CEP104: variants seen among roughly 807,000 people sequenced by gnomAD.
The protein encoded by CEP104 is centrosomal protein of 104 kDa.
Under a neutral mutation model 113.3 loss-of-function variants are expected in CEP104, and 84 were observed. The observed-to-expected ratio is 0.74, with a 90% CI of 0.62 to 0.89. The LOEUF (loss-of-function observed/expected upper bound fraction) is 0.89, where lower values mean the gene tolerates loss of function less well. Ranked by LOEUF, CEP104 falls within the 40% of genes least tolerant of loss-of-function variation. CEP104 has a pLI of 0.00. For synonymous variants in CEP104, 378 were observed against 421.7 expected (o/e 0.90, Z 1.27); for missense variants, 1,053 against 1,156.6 (o/e 0.91, Z 1.30).
chr1:3,832,289 T>TGTAGGTC (rs1162557072), intron 12 of CEP104, among the ~76,000 whole-genome samples: 4 of 114,998 alleles, frequency 3.5e-5, no homozygotes, highest in Non-Finnish European at 5.5e-5. Context: ...AGGAGTGTAT[T>TGTAGGTC]GTAACCAGGA....
chr1:3,824,056 C>T (rs1421856651), intron 18 of CEP104, among the ~76,000 whole-genome samples: 2 of 152,178 alleles, frequency 1.3e-5, no homozygotes, highest in Admixed American at 6.5e-5. Context: ...GCCAGTTCAA[C>T]CTCTTTTCTT....
intron 4 of CEP104, among the ~76,000 whole-genome samples, chr1:3,846,086 CAAAAAAAAAAA>C (rs5772127): frequency 9.5e-5 from 9 of 95,118 alleles, no homozygotes; most frequent in East Asian, 4.8e-4. Flanking sequence ...AACTCCGTCT[CAAAAAAAAAAA>C]AAAAAAAAAA....
intron 1 of CEP104, among the ~76,000 whole-genome samples, chr1:3,854,506 T>G (rs1469431530): frequency 6.6e-6 from 1 of 152,162 alleles, no homozygotes; most frequent in Non-Finnish European, 1.5e-5. Context: ...TCTCAATCTA[T>G]CACCCAGGCT....
At chr1:3,815,870 C>CACCAT (rs1047426596) in intron 21 of CEP104, among the ~76,000 whole-genome samples, 22 of 152,206 alleles carry the variant, frequency 1.4e-4, no homozygotes, top group Admixed American at 3.3e-4. Context: ...TATAGGGTTT[C>CACCAT]ACCATGTTGG....
chr1:3,834,977 A>AGT lies in CEP104; in HGVS notation c.1431_1432dup (p.Leu478HisfsTer2). On this transcript the variant is annotated frameshift_variant, in exon 11 of 22. Coordinates refer to ENST00000378230, the MANE Select transcript of CEP104 (RefSeq NM_014704.4). LOFTEE classifies it high-confidence loss of function. ...TCTAACGAGAAAGACGGATGCTCTC[A>AGT]GTGTGTTCTTTAAATCTTCTTTTGG... The AGT allele has an allele frequency of 6.2e-7, 1 of 1,612,058 alleles. No individual in the cohort carries two copies. Among genetic ancestry groups the AGT allele is most frequent in the Non-Finnish European group, 8.5e-7 (1 of 1,178,960 alleles).
chr1:3,833,738 T>A, intron 12 of CEP104, 124 bp downstream of exon 12: 1 of 879,688 alleles, frequency 1.1e-6, no homozygotes, highest in Non-Finnish European at 1.7e-6. Context: ...AGTGTGATGG[T>A]GAATCCCTGA....
At chr1:3,828,035 A>G (rs1644126541) in intron 15 of CEP104, among the ~76,000 whole-genome samples, 1 of 152,180 alleles carries the variant, frequency 6.6e-6, no homozygotes, top group African/African-American at 2.4e-5. Context: ...CGGGACAGAC[A>G]GTGCTGTGTG....
chr1:3,824,368 G>A (rs562874177), intron 18 of CEP104, among the ~76,000 whole-genome samples: 1 of 152,220 alleles, frequency 6.6e-6, no homozygotes, highest in Admixed American at 6.5e-5. Flanking sequence ...TTACAGGCGT[G>A]AGCCACCTGC....
At chr1:3,836,812 C>T (rs1644324218) in intron 9 of CEP104, 120 bp from the exon 10 acceptor site, 1 of 765,768 alleles carries the variant, frequency 1.3e-6, no homozygotes, top group South Asian at 1.7e-5. Flanking sequence ...TGTTATTTTG[C>T]TAAATATCAG....
At chr1:3,816,526 C>T (rs957394221) in intron 20 of CEP104, 156 bp from the exon 21 acceptor site, 3 of 601,644 alleles carry the variant, frequency 5.0e-6, no homozygotes, top group Non-Finnish European at 8.8e-6. Context: ...CACCTCCCTT[C>T]GGATATGTTA....
chr1:3,852,034 G>A (rs1268329727), intron 2 of CEP104, among the ~76,000 whole-genome samples: 2 of 152,130 alleles, frequency 1.3e-5, no homozygotes, highest in Non-Finnish European at 1.5e-5. Context: ...ACAGTTACGG[G>A]GCCTCATTTC....
chr1:3,846,699 A>G (rs1362288961), intron 4 of CEP104, among the ~76,000 whole-genome samples: 2 of 152,212 alleles, frequency 1.3e-5, no homozygotes, highest in South Asian at 4.1e-4. Context: ...GCAAGGGGCC[A>G]GGCAGCTTAA....
At chr1:3,834,362 T>G (rs1254088426) in intron 11 of CEP104, among the ~76,000 whole-genome samples, 1 of 150,160 alleles carries the variant, frequency 6.7e-6, no homozygotes, top group African/African-American at 2.4e-5. Flanking sequence ...AGCCCAAATC[T>G]TCCCTTCATA....
rs6663840 is a variant in CEP104 at position 3,826,755 on chromosome 1, G to A, written c.2152-11C>T. The A allele has an allele frequency of 0.33, 536,914 of 1,611,218 alleles. 95,404 individuals carry two copies. The highest frequency in any genetic ancestry group is 0.56 in the African/African-American group (41,894 of 74,846). Reference sequence around the variant, plus strand: ...ATCACTTTCTTTTTCCTAAGACACAGAAACAGTGAGGTCAGGGGCAAAGGG... The same window carrying A: ...ATCACTTTCTTTTTCCTAAGACACAAAAACAGTGAGGTCAGGGGCAAAGGG... On this transcript the variant is annotated splice_polypyrimidine_tract_variant and intron_variant, in intron 15 of 21. Coordinates refer to ENST00000378230, the MANE Select transcript of CEP104 (RefSeq NM_014704.4).
In CEP104 at chr1:3,823,789, C is replaced by G. The variant is rs910063909; in HGVS notation, c.2365-227G>C. On this transcript the variant is annotated intron_variant, in intron 18 of 21. Coordinates refer to ENST00000378230, the MANE Select transcript of CEP104 (RefSeq NM_014704.4). The surrounding 1 kb of genome is among the most constrained non-coding windows in gnomAD (Gnocchi z 4.1). The stretch of plus-strand genomic sequence containing the variant: ...CCTTCCTTTCCTGTCATCTTAGCAT[C>G]GGGCAGGGGCCACTGTCAAGGATGG... Among the ~76,000 whole-genome samples the G allele has an allele frequency of 1.3e-5, 2 of 152,158 alleles. No homozygotes were observed. Among genetic ancestry groups the G allele is most frequent in the East Asian group, 1.9e-4 (1 of 5,186 alleles).
intron 8 of CEP104, among the ~76,000 whole-genome samples, chr1:3,838,078 A>G (rs1482981282): frequency 6.6e-6 from 1 of 152,234 alleles, no homozygotes; most frequent in Admixed American, 6.5e-5. Flanking sequence ...CATAAAGCTG[A>G]TAAGAATTAG....
At chr1:3,832,410 CGT>C (rs1491350063) in intron 12 of CEP104, among the ~76,000 whole-genome samples, 6 of 38,854 alleles carry the variant, frequency 1.5e-4, no homozygotes, top group Non-Finnish European at 2.5e-4. Flanking sequence ...AGGAGTGTAG[CGT>C]AGGTCCTGAC....
intron 15 of CEP104, among the ~76,000 whole-genome samples, chr1:3,827,483 G>C (rs118082204): frequency 0.021 from 3,214 of 152,218 alleles, 74 homozygotes; most frequent in East Asian, 0.1. Context: ...GCCTCCCAAA[G>C]TGCTGCAATT....
At chr1:3,853,993 C>T (rs777916917) in intron 1 of CEP104, among the ~76,000 whole-genome samples, 12 of 152,196 alleles carry the variant, frequency 7.9e-5, no homozygotes, top group African/African-American at 1.7e-4. Context: ...GTTAGCTGCA[C>T]GGCCCCACCT....
Sources: allele counts gnomAD v4.1 joint callset (sites outside exome capture counted in the v4.1 genomes callset), GRCh38; gene constraint gnomAD v4.1.1; non-coding constraint Gnocchi (gnomAD v3.1); transcripts MANE v1.5; gene names NCBI Gene and HGNC (gene_info 2026-07-23, HGNC 2026-07-21).